The following NUP210L variants were observed in gnomAD, a reference collection of about 807,000 sequenced individuals.
NUP210L encodes nuclear pore membrane glycoprotein 210-like.
A neutral mutation model predicts 208.5 loss-of-function variants in NUP210L; 74 were observed. The observed-to-expected ratio is 0.35, with a 90% CI of 0.29 to 0.43. NUP210L has a LOEUF of 0.43. Among genes scored for constraint, NUP210L ranks in the 20% least tolerant of loss-of-function variants. NUP210L has a pLI of 1.00. For synonymous variants in NUP210L, 780 were observed against 816.9 expected, an observed-to-expected ratio of 0.95 and a Z score of 0.77; for missense variants, 1,843 against 2,289.4, an observed-to-expected ratio of 0.81 and a Z score of 3.98.
chr1:153,993,504 TGTA>T (rs1166811447), intron 38 of NUP210L, among the ~76,000 whole-genome samples: 1 of 150,968 alleles, frequency 6.6e-6, no homozygotes, highest in Non-Finnish European at 1.5e-5. Flanking sequence ...AGGCGGAGCT[TGTA>T]GTGAGCTGAG....
intron 30 of NUP210L, among the ~76,000 whole-genome samples, chr1:154,024,347 CAGTT>C (rs1651731720): frequency 6.6e-6 from 1 of 152,060 alleles, no homozygotes; most frequent in African/African-American, 2.4e-5. Context: ...TATCAGTTAA[CAGTT>C]AGATGGGGAT....
chr1:154,079,215 C>T (rs889369449), intron 16 of NUP210L, among the ~76,000 whole-genome samples: 5 of 151,930 alleles, frequency 3.3e-5, no homozygotes, highest in Non-Finnish European at 7.4e-5. Flanking sequence ...GCTATGACTG[C>T]AGCACTGCAC....
chr1:154,030,110 C>A, intron 27 of NUP210L, 56 bp from the exon 28 acceptor site: 7 of 1,195,066 alleles, frequency 5.9e-6, no homozygotes, highest in East Asian at 2.9e-5. Flanking sequence ...GGTGTCCTTC[C>A]TTTTTTTTTC....
At chr1:154,147,864 CAAG>C (rs1414347116) in intron 2 of NUP210L, among the ~76,000 whole-genome samples, 1 of 149,252 alleles carries the variant, frequency 6.7e-6, no homozygotes, top group Non-Finnish European at 1.5e-5. Flanking sequence ...ACCATGTTGG[CAAG>C]CCTGGTCTCA....
At chr1:154,095,355 A>G (rs1354498819) in intron 14 of NUP210L, among the ~76,000 whole-genome samples, 199 bp from the exon 15 acceptor site, 2 of 152,150 alleles carry the variant, frequency 1.3e-5, no homozygotes, top group Admixed American at 1.3e-4. Context: ...CCTAACTATT[A>G]TGTTACTTTA....
At chr1:154,104,183 C>T (rs201110307) in exon 13 of NUP210L, 748 of 1,613,836 alleles carry the variant, frequency 4.6e-4, no homozygotes, top group Non-Finnish European at 2.8e-4. Flanking sequence ...GGTAACAGTT[C>T]CATTTTGTTC....
At chr1:154,041,885 AG>A (rs775685861) in intron 27 of NUP210L, among the ~76,000 whole-genome samples, 1 of 152,134 alleles carries the variant, frequency 6.6e-6, no homozygotes, top group Non-Finnish European at 1.5e-5. Flanking sequence ...ATTACGACAA[AG>A]TCCCATGTTC....
At chr1:153,996,848 CTTTTTTTTTT>C (rs747835495) in intron 37 of NUP210L, among the ~76,000 whole-genome samples, 2 of 103,732 alleles carry the variant, frequency 1.9e-5, no homozygotes, top group Non-Finnish European at 3.9e-5. Context: ...GTAGACTTGC[CTTTTTTTTTT>C]TTTTTTTTTT....
chr1:154,129,421 A>G (rs946501105), intron 7 of NUP210L, 76 bp from the exon 8 acceptor site: 12 of 889,092 alleles, frequency 1.3e-5, no homozygotes, highest in African/African-American at 5.0e-5. Context: ...AAAAACAAAC[A>G]AACAAACAAA....
intron 2 of NUP210L, among the ~76,000 whole-genome samples, chr1:154,144,318 A>G (rs1659012989): frequency 6.6e-6 from 1 of 152,218 alleles, no homozygotes; most frequent in Non-Finnish European, 1.5e-5. Context: ...GGTGTTTAGT[A>G]GATTTTTTAA....
chr1:154,088,849 TTA>T (rs1454528068), intron 16 of NUP210L, among the ~76,000 whole-genome samples: 1 of 152,178 alleles, frequency 6.6e-6, no homozygotes, highest in Non-Finnish European at 1.5e-5. Context: ...ACATTGTTTA[TTA>T]TATAATATGA....
chr1:154,069,822 C>T (rs1419171865), intron 17 of NUP210L, among the ~76,000 whole-genome samples: 4 of 152,118 alleles, frequency 2.6e-5, no homozygotes, highest in Admixed American at 6.6e-5. Context: ...CAATGATAGA[C>T]TGGATTAAGA....
chr1:154,053,775 T>C (rs1295629764), intron 25 of NUP210L, among the ~76,000 whole-genome samples: 1 of 152,174 alleles, frequency 6.6e-6, no homozygotes, highest in Non-Finnish European at 1.5e-5. Context: ...TGTGGGTTAA[T>C]CTCTGTTCAT....
At chr1:154,059,366 G>GCACA (rs953030639) in intron 20 of NUP210L, among the ~76,000 whole-genome samples, 14 of 151,980 alleles carry the variant, frequency 9.2e-5, no homozygotes, top group African/African-American at 3.4e-4. Context: ...GGGCATGGTG[G>GCACA]CACACACCTA....
At chr1:154,061,973 G>A (rs554392319) in intron 17 of NUP210L, among the ~76,000 whole-genome samples, 29 of 151,978 alleles carry the variant, frequency 1.9e-4, no homozygotes, top group Middle Eastern at 3.2e-3. Context: ...GACTGCAGGC[G>A]CGTGCCACGA....
At chr1:154,076,457 C>T (rs187535161) in intron 16 of NUP210L, among the ~76,000 whole-genome samples, 1 of 151,850 alleles carries the variant, frequency 6.6e-6, no homozygotes, top group African/African-American at 2.4e-5. Flanking sequence ...GTTTGACTAA[C>T]TAAAGGAAAA....
chr1:154,025,389 C>G (rs1242661510), intron 30 of NUP210L, among the ~76,000 whole-genome samples, 153 bp downstream of exon 30: 1 of 134,990 alleles, frequency 7.4e-6, no homozygotes, highest in African/African-American at 2.8e-5. Context: ...CATGTTCTCT[C>G]ATGATACAGA....
At chr1:154,147,646 C>G (rs189288211) in intron 2 of NUP210L, among the ~76,000 whole-genome samples, 10 of 151,638 alleles carry the variant, frequency 6.6e-5, no homozygotes, top group African/African-American at 2.4e-4. Flanking sequence ...TGCCCTTGGC[C>G]CAACACTGTT....
intron 32 of NUP210L, 85 bp downstream of exon 32, chr1:154,022,041 T>G: frequency 8.0e-7 from 1 of 1,252,934 alleles, no homozygotes; most frequent in Non-Finnish European, 1.2e-6. Context: ...GTCCAAGGGA[T>G]TAATAACTGC....
Sources: gnomAD v4.1 joint callset for allele counts (sites outside exome capture counted in the v4.1 genomes callset) on GRCh38, gnomAD v4.1.1 for gene constraint, MANE v1.5 for transcripts, NCBI Gene and HGNC (gene_info 2026-07-23, HGNC 2026-07-21) for gene names.